DGKQ: variants seen among roughly 807,000 people sequenced by gnomAD.
DGKQ encodes the protein diacylglycerol kinase theta.
DGKQ carries 97 observed loss-of-function variants against 104.2 expected under a neutral mutation model. That is an observed-to-expected ratio of 0.93 (90% CI 0.79 to 1.10). The LOEUF (loss-of-function observed/expected upper bound fraction) is 1.10. Among genes scored for constraint, DGKQ ranks in the 50% least tolerant of loss-of-function variants. DGKQ has a pLI of 0.00. For missense variants in DGKQ, 1,465 were observed against 1,352.1 expected, an observed-to-expected ratio of 1.08 and a Z score of -1.31; for synonymous variants, 736 against 595.2, an observed-to-expected ratio of 1.24 and a Z score of -3.44.
Position 971,216 on chromosome 4 carries a change from C to G in DGKQ, c.272-144G>C, listed in dbSNP as rs748118565. 3.2e-6 allele frequency: 2 copies of G among 627,024 alleles called. No homozygotes were observed. The highest frequency in any genetic ancestry group is 5.7e-6 in the Non-Finnish European group (2 of 351,966). 38.8% of individuals were successfully genotyped at this position (627,024 alleles called of 1,614,324 possible). On this transcript the variant is annotated intron_variant, in intron 1 of 22. Transcript: ENST00000273814. This position sits in a 1 kb window ranked among gnomAD's most constrained non-coding sequence, Gnocchi z 4.0. ...GTGGTCCTCGAGTTCCCCCACCACC[C>G]TGCCCACTCATTGGAGAGAGCCTGC...
rs1177460312 is a variant in DGKQ, at chr4:966,685, G to C, written c.1366+63C>G. 3.9e-6 allele frequency: 6 copies of C among 1,548,800 alleles called. No individual in the cohort carries two copies. The African/African-American group carries it at 5.5e-5, about 14-fold the overall frequency. On this transcript the variant is annotated intron_variant, in intron 11 of 22. Transcript: ENST00000273814. ...CGGCACCACCCTGCAGGAAAGCCTG[G>C]GCAGCAGGTCCAAACCCAAAAGGTG...
In DGKQ at chr4:965,995, G is replaced by A. The variant is rs747177946; in HGVS notation, c.1512C>T (p.Gly504=). Residue 504 remains glycine (G), a synonymous_variant, in exon 13 of 23, where the codon GGC becomes GGT. Coordinates refer to ENST00000273814, the MANE Select transcript of DGKQ (RefSeq NM_001347.4). ...CGGGAGACAGGCCGGGAGGCAGGCC[G>A]CCAACAAACAGGGAGACGTGCGGGG... The part of the protein sequence containing the change: ...DVAPHVSLFV[G]GLPPGLSPEE... 8.1e-6 allele frequency: 13 copies of A among 1,605,364 alleles called. No homozygotes were observed. The highest frequency in any genetic ancestry group is 1.3e-5 in the African/African-American group (1 of 74,862).
Position 965,502 on chromosome 4 carries a change from T to C in DGKQ, c.1607A>G (p.Tyr536Cys). The C allele has an allele frequency of 6.2e-7, 1 of 1,611,076 alleles. No homozygotes were observed. The highest frequency in any genetic ancestry group is 1.1e-5 in the South Asian group (1 of 90,666). The change falls in exon 14 of 23, where the codon TAC becomes TGC. Residue 536 changes from tyrosine (Y) to cysteine (C), a missense_variant. Transcript: ENST00000273814. Reference sequence around the variant, plus strand: ...TCAGGGCAGCTCACCTTGGGAGGAGTAGATGTGACTCACGGACACCACGGT... The same window carrying C: ...TCAGGGCAGCTCACCTTGGGAGGAGCAGATGTGACTCACGGACACCACGGT... ...KATVVSVSHI[Y>C]SSQGAVVLDV...
chr4:966,863 G>C (rs996201476), intron 10 of DGKQ, 61 bp from the exon 11 acceptor site: 11 of 1,570,998 alleles, frequency 7.0e-6, no homozygotes, highest in Non-Finnish European at 6.1e-6. Flanking sequence ...GGACACCCGC[G>C]GGGACAGCCA....
rs988700459 is a variant in DGKQ at position 962,320 on chromosome 4, G to A, written c.2214+115C>T. The A allele has an allele frequency of 3.6e-6, 4 of 1,107,854 alleles. No individual in the cohort carries two copies. In the South Asian group the frequency reaches 4.5e-5, roughly 12 times the overall value. 68.6% of individuals were successfully genotyped at this position (1,107,854 alleles called of 1,614,324 possible). On this transcript the variant is annotated intron_variant, in intron 18 of 22. Coordinates refer to ENST00000273814, the MANE Select transcript of DGKQ (RefSeq NM_001347.4). ...CCTCAACTGCCCGCTTTGCAGAGGG[G>A]ATGATGCGGGCGCGTACACCCGAGT... is the stretch of plus-strand genomic sequence containing the variant.
chr4:968,808 T>C lies in DGKQ; in HGVS notation c.451+3A>G. Reference sequence around the variant, plus strand: ...GGTGGGGAGCCAGGCAGGCTCCAGGTACCTTCGCAGTGGAGCGCCGGTGCC... The same window carrying C: ...GGTGGGGAGCCAGGCAGGCTCCAGGCACCTTCGCAGTGGAGCGCCGGTGCC... On this transcript the variant is annotated splice_donor_region_variant and intron_variant, in intron 3 of 22. Coordinates refer to ENST00000273814, the MANE Select transcript of DGKQ (RefSeq NM_001347.4). 1.2e-6 allele frequency: 2 copies of C among 1,607,620 alleles called. No homozygotes were observed. The highest frequency in any genetic ancestry group is 1.7e-6 in the Non-Finnish European group (2 of 1,177,456).
chr4:967,561 G>T lies in DGKQ; in HGVS notation c.975C>A (p.Ala325=). Residue 325 remains alanine, a synonymous_variant, in exon 8 of 23, where the codon GCC becomes GCA. Transcript: ENST00000273814. The part of the protein sequence containing the change: ...RLVTVSRLAG[A]EEVLEAALRA... ...GCCTCCCCCTTACCAGCACCTCCTC[G>T]GCACCGGCCAGGCGGGACACCGTGA... 6.2e-7 allele frequency: 1 copy of T among 1,612,436 alleles called. No individual in the cohort carries two copies.
chr4:967,395 G>C (rs1163320824), intron 8 of DGKQ, 34 bp from the exon 9 acceptor site: 1 of 1,463,218 alleles, frequency 6.8e-7, no homozygotes, highest in Non-Finnish European at 9.2e-7. Flanking sequence ...GCCAAGTTGT[G>C]GGGGGTCAGG....
rs533889946 is a variant in DGKQ at position 971,034 on chromosome 4, C to G, written c.310G>C (p.Val104Leu). The stretch of plus-strand genomic sequence containing the variant: ...GCCACACTCGTGCACGGGATCCTCA[C>G]GTGCTTCAGGCACTTCTCATGAGAC... The part of the protein sequence containing the change: ...FMSHEKCLKH[V>L]RIPCTSVAPS... The change falls in exon 2 of 23, where the codon GTG becomes CTG. Residue 104 changes from valine (V) to leucine (L), a missense_variant. Val to Leu is a conservative substitution (Grantham distance 32). Transcript: ENST00000273814. This position sits in a 1 kb window ranked among gnomAD's most constrained non-coding sequence, Gnocchi z 4.0. 1.9e-6 allele frequency: 3 copies of G among 1,556,772 alleles called. No homozygotes were observed. Among genetic ancestry groups the G allele is most frequent in the South Asian group, 2.4e-5 (2 of 84,448 alleles).
intron 1 of DGKQ, among the ~76,000 whole-genome samples, 192 bp downstream of exon 1, chr4:973,020 G>A (rs1030891872): frequency 6.6e-6 from 1 of 152,162 alleles, no homozygotes; most frequent in African/African-American, 2.4e-5. Flanking sequence ...CCTCCCAGGT[G>A]AGGAAGCCCG....
In DGKQ at chr4:966,161, G is replaced by C. The variant is rs1264182758; in HGVS notation, c.1429-83C>G. The C allele has an allele frequency of 5.9e-6, 8 of 1,352,582 alleles. No individual in the cohort carries two copies. The African/African-American group carries it at 1.0e-4, about 17-fold the overall frequency. The allele number at this position is 1,352,582 out of a possible 1,614,324, so 83.8% of individuals were successfully genotyped here. On this transcript the variant is annotated intron_variant, in intron 12 of 22. Coordinates refer to ENST00000273814, the MANE Select transcript of DGKQ (RefSeq NM_001347.4). ...CCTCTGTCTCCTCACCCGCAAAACA[G>C]CAAAACAGGGCATCAGGAACACTCC...
At chr4:969,834 A>G (rs1306774778) in intron 2 of DGKQ, among the ~76,000 whole-genome samples, 2 of 152,122 alleles carry the variant, frequency 1.3e-5, no homozygotes, top group African/African-American at 2.4e-5. Context: ...GATGGTCTCG[A>G]TCTCCTGACC....
chr4:962,634 G>C (rs367601924), intron 17 of DGKQ, 21 bp from the exon 18 acceptor site: 356 of 1,603,930 alleles, frequency 2.2e-4, no homozygotes, highest in Non-Finnish European at 2.8e-4. Flanking sequence ...AGCAGACACA[G>C]AGCATCTGTC....
In DGKQ at chr4:968,818, G is replaced by T; in HGVS notation, c.444C>A (p.His148Gln). The change falls in exon 3 of 23, where the codon CAC (histidine) becomes CAA (glutamine). Residue 148 changes from histidine (H) to glutamine (Q), a missense_variant. His to Gln is a conservative substitution (Grantham distance 24). Transcript: ENST00000273814. ...CRKVLEAPALHCEVCELHLHP... is the reference protein window; with the variant it reads ...CRKVLEAPALQCEVCELHLHP... ...CAGGCAGGCTCCAGGTACCTTCGCA[G>T]TGGAGCGCCGGTGCCTCCAGGACCT... The T allele has an allele frequency of 1.2e-6, 2 of 1,610,024 alleles. 1 individual carries two copies. Among genetic ancestry groups the T allele is most frequent in the South Asian group, 2.2e-5 (2 of 90,720 alleles).
chr4:970,962 T>C (rs1278225665), intron 2 of DGKQ, 31 bp downstream of exon 2: 1 of 1,524,490 alleles, frequency 6.6e-7, no homozygotes, highest in African/African-American at 1.4e-5. Context: ...CCCCAGCCTC[T>C]TGCAGGTGCA....
At chr4:965,838 G>T (rs1712273265) in intron 13 of DGKQ, 90 bp downstream of exon 13, 3 of 1,394,138 alleles carry the variant, frequency 2.2e-6, no homozygotes, top group South Asian at 2.9e-5. Flanking sequence ...CTCAAGGAGA[G>T]GCAGGAGCCG....
In DGKQ at chr4:960,268, C is replaced by T. The variant is rs905393264; in HGVS notation, c.*352G>A. 3.2e-5 allele frequency: 11 copies of T among 345,454 alleles called. No individual in the cohort carries two copies. The highest frequency in any genetic ancestry group is 5.0e-5 in the Non-Finnish European group (9 of 181,554). 21.4% of individuals were successfully genotyped at this position (345,454 alleles called of 1,614,324 possible). A position where few individuals can be genotyped will look rare whatever the true frequency, so the allele number is the denominator to read the frequency against. On this transcript the variant is annotated 3_prime_UTR_variant, in exon 23 of 23. Coordinates refer to ENST00000273814, the MANE Select transcript of DGKQ (RefSeq NM_001347.4). ...ACGGCCTGCATCCAGCACTGTCCAGCTCAAGGGGCTCAGTGGGGAGAGGGA... is the reference window on the plus strand; with the variant it reads ...ACGGCCTGCATCCAGCACTGTCCAGTTCAAGGGGCTCAGTGGGGAGAGGGA...
In DGKQ at chr4:967,458, C is replaced by T. The variant is rs574195130; in HGVS notation, c.987+91G>A. ...AGGGGGAGGCCAGGTGGGTGAGGGG[C>T]GCCAGGTTGGGGGAGCCAGGTCAGG... On this transcript the variant is annotated intron_variant, in intron 8 of 22. Coordinates refer to ENST00000273814, the MANE Select transcript of DGKQ (RefSeq NM_001347.4). 6.2e-6 allele frequency: 9 copies of T among 1,441,888 alleles called. 1 individual carries two copies. Among genetic ancestry groups the T allele is most frequent in the African/African-American group, 4.3e-5 (3 of 70,398 alleles). 89.3% of individuals were successfully genotyped at this position (1,441,888 alleles called of 1,614,324 possible).
At chr4:969,223 G>C (rs1270644248) in intron 2 of DGKQ, among the ~76,000 whole-genome samples, 1 of 152,094 alleles carries the variant, frequency 6.6e-6, no homozygotes, top group Non-Finnish European at 1.5e-5. Flanking sequence ...GCAGGGAGGA[G>C]GCTGTGGCCT....
Sources: gnomAD v4.1 joint callset for allele counts (sites outside exome capture counted in the v4.1 genomes callset) on GRCh38, gnomAD v4.1.1 for gene constraint, Gnocchi (gnomAD v3.1) non-coding constraint, MANE v1.5 for transcripts, NCBI Gene and HGNC (gene_info 2026-07-23, HGNC 2026-07-21) for gene names.